ATP8B4: variants seen among roughly 807,000 people sequenced by gnomAD.
ATP8B4 encodes the protein ATPase phospholipid transporting 8B4 (putative).
Under a neutral mutation model 145.6 loss-of-function variants are expected in ATP8B4, and 133 were observed. The observed-to-expected ratio is 0.91, with a 90% CI of 0.79 to 1.05. The LOEUF is 1.05. ATP8B4 is among the 50% of genes least tolerant of loss of function. The pLI is 0.00. For missense variants in ATP8B4, 1,458 were observed against 1,425.2 expected, an observed-to-expected ratio of 1.02 and a Z score of -0.37; for synonymous variants, 507 against 492.9, an observed-to-expected ratio of 1.03 and a Z score of -0.38.
intron 6 of ATP8B4, among the ~76,000 whole-genome samples, chr15:50,031,897 C>G (rs986852317): frequency 3.3e-5 from 5 of 152,184 alleles, no homozygotes; most frequent in African/African-American, 1.2e-4. Context: ...CAGACCAGAA[C>G]TACTACTTTA....
intron 5 of ATP8B4, among the ~76,000 whole-genome samples, chr15:50,039,120 A>C (rs748160206): frequency 2.6e-5 from 4 of 152,224 alleles, no homozygotes; most frequent in Non-Finnish European, 5.9e-5. Flanking sequence ...TCTCTACTGT[A>C]CCTTATAGTC....
intron 6 of ATP8B4, among the ~76,000 whole-genome samples, chr15:50,035,211 T>C (rs2050746418): frequency 6.6e-6 from 1 of 152,218 alleles, no homozygotes; most frequent in Non-Finnish European, 1.5e-5. Flanking sequence ...ACTTCCATAA[T>C]TATATTGTGG....
At chr15:50,007,919 G>C (rs967775073) in intron 7 of ATP8B4, among the ~76,000 whole-genome samples, 1 of 152,200 alleles carries the variant, frequency 6.6e-6, no homozygotes, top group Admixed American at 6.5e-5. Context: ...TGGATTTGAA[G>C]GACTCCCATC....
intron 1 of ATP8B4, among the ~76,000 whole-genome samples, chr15:50,150,151 C>A (rs1437878525): frequency 6.6e-6 from 1 of 151,972 alleles, no homozygotes; most frequent in Non-Finnish European, 1.5e-5. Flanking sequence ...TCCTTGGCTA[C>A]AAGGATCAGT....
chr15:50,003,470 G>A (rs532155818), intron 7 of ATP8B4, among the ~76,000 whole-genome samples: 22 of 152,048 alleles, frequency 1.4e-4, no homozygotes, highest in Non-Finnish European at 3.1e-4. Context: ...TTGTCACACT[G>A]TGAACAGAGG....
intron 7 of ATP8B4, among the ~76,000 whole-genome samples, chr15:50,005,268 T>C (rs1773117763): frequency 6.6e-6 from 1 of 152,176 alleles, no homozygotes; most frequent in African/African-American, 2.4e-5. Flanking sequence ...AGAAGGAATC[T>C]GAAAAGAATG....
At chr15:49,993,148 TCTTGTA>T (rs1441203671) in intron 9 of ATP8B4, among the ~76,000 whole-genome samples, 1 of 152,110 alleles carries the variant, frequency 6.6e-6, no homozygotes. Flanking sequence ...TTGTTTTGCA[TCTTGTA>T]CTTAGGAGGT....
intron 2 of ATP8B4, among the ~76,000 whole-genome samples, chr15:50,090,777 G>A (rs753756505): frequency 6.6e-6 from 1 of 151,688 alleles, no homozygotes; most frequent in Non-Finnish European, 1.5e-5. Context: ...TTTTAGAGAT[G>A]GGATTTCCCT....
chr15:50,160,038 T>TTTTTTTTTTTGG (rs2044492829), intron 1 of ATP8B4, among the ~76,000 whole-genome samples: 1 of 143,558 alleles, frequency 7.0e-6, no homozygotes, highest in African/African-American at 2.6e-5. Flanking sequence ...TTTTTTTTTT[T>TTTTTTTTTTTGG]GCTGGGAGAC....
Position 50,130,554 on chromosome 15 carries a change from A to G in ATP8B4, c.-42-23546T>C, listed in dbSNP as rs185284137. 4.8e-3 allele frequency among the ~76,000 whole-genome samples: 726 copies of G among 152,080 alleles called. 6 individuals are homozygous for G. Among genetic ancestry groups the G allele is most frequent in the Non-Finnish European group, 3.8e-3 (259 of 67,980 alleles). On this transcript the variant is annotated intron_variant, in intron 1 of 3. Coordinates refer to the ATP8B4 transcript ENST00000558829. ...CAGTTTGGGAGGCTGAGGCGAGCGG[A>G]TCACAAGGTCAGGAGATCGAGACCA...
At chr15:49,974,397 CT>C (rs35144345) in intron 12 of ATP8B4, among the ~76,000 whole-genome samples, 278 of 142,794 alleles carry the variant, frequency 1.9e-3, no homozygotes, top group Middle Eastern at 3.7e-3. Context: ...GCCACTTGTC[CT>C]TTTTTTTTTT....
At chr15:50,145,407 A>G (rs1179692396) in intron 1 of ATP8B4, among the ~76,000 whole-genome samples, 1 of 152,134 alleles carries the variant, frequency 6.6e-6, no homozygotes, top group Non-Finnish European at 1.5e-5. Flanking sequence ...GATAAACTGG[A>G]TTTAGAGTTA....
rs548725118 is a variant in ATP8B4 at position 49,987,636 on chromosome 15, C to G, written c.590-87G>C. ...CCACAGCACTGTTTTACCACTGTTT[C>G]CCTCTCCTTTAGACAGCCTGGGGTT... On this transcript the variant is annotated intron_variant, in intron 9 of 27. Coordinates refer to ENST00000284509, the MANE Select transcript of ATP8B4 (RefSeq NM_024837.4). 22 of 1,382,054 alleles carry G rather than the reference C, an allele frequency of 1.6e-5. No homozygotes were observed. The South Asian group carries it at 3.0e-4, about 19-fold the overall frequency. The allele number at this position is 1,382,054 out of a possible 1,614,324, so 85.6% of individuals were successfully genotyped here. A position where few individuals can be genotyped will look rare whatever the true frequency, so the allele number is the denominator to read the frequency against.
chr15:49,999,958 CT>C (rs1291814073), intron 8 of ATP8B4, among the ~76,000 whole-genome samples: 2 of 152,116 alleles, frequency 1.3e-5, no homozygotes, highest in East Asian at 3.9e-4. Flanking sequence ...TGTATGTGAC[CT>C]TTGGGATTGG....
chr15:49,931,501 G>T (rs1339570636), intron 15 of ATP8B4, among the ~76,000 whole-genome samples, 194 bp from the exon 16 acceptor site: 1 of 151,960 alleles, frequency 6.6e-6, no homozygotes, highest in Non-Finnish European at 1.5e-5. Context: ...AGGACTCTAT[G>T]CATATCACTG....
intron 3 of ATP8B4, among the ~76,000 whole-genome samples, chr15:50,054,440 C>A (rs934579237): frequency 1.3e-5 from 2 of 152,110 alleles, no homozygotes; most frequent in Non-Finnish European, 2.9e-5. Context: ...CAGTAATGGA[C>A]GCTAACCTAG....
At position 50,047,437 on chromosome 15, in the gene ATP8B4, T is replaced by G; in HGVS notation, c.115A>C (p.Asn39His). ...TTAATTGGCAAGAAGGTGAGAATAT[T>G]ATATTTCGATGTGTGGATACGATTA... is the stretch of plus-strand genomic sequence containing the variant. ...ADNRIHTSKY[N>H]ILTFLPINLF... The change falls in exon 4 of 28, where the codon AAT becomes CAT. Residue 39 changes from asparagine to histidine, a missense_variant. By Grantham distance (68) the Asn-to-His change is moderately conservative. Coordinates refer to ENST00000284509, the MANE Select transcript of ATP8B4 (RefSeq NM_024837.4). 4 of 1,587,482 alleles carry G rather than the reference T, an allele frequency of 2.5e-6. No homozygotes were observed. Among genetic ancestry groups the G allele is most frequent in the Non-Finnish European group, 3.5e-6 (4 of 1,155,896 alleles).
intron 25 of ATP8B4, among the ~76,000 whole-genome samples, chr15:49,875,572 T>C (rs1014378631): frequency 7.2e-5 from 11 of 152,238 alleles, no homozygotes; most frequent in African/African-American, 2.4e-4. Flanking sequence ...CGGTGATGCA[T>C]GCCTATAATC....
At chr15:50,098,081 C>T (rs2056099975) in intron 2 of ATP8B4, among the ~76,000 whole-genome samples, 2 of 152,020 alleles carry the variant, frequency 1.3e-5, no homozygotes, top group South Asian at 2.1e-4. Flanking sequence ...AGGACAATTA[C>T]AGAATATTAA....
Sources: allele counts gnomAD v4.1 joint callset (sites outside exome capture counted in the v4.1 genomes callset), GRCh38; gene constraint gnomAD v4.1.1; transcripts MANE v1.5; gene names NCBI Gene and HGNC (gene_info 2026-07-23, HGNC 2026-07-21).